The following PFKFB1 variants were observed in gnomAD, a reference collection of about 807,000 sequenced individuals.
PFKFB1 encodes the protein 6-phosphofructo-2-kinase/fructose-2,6-biphosphatase 1.
In PFKFB1, 34 loss-of-function variants were observed where a neutral mutation model predicts 46.4. That is an observed-to-expected ratio of 0.73 (90% confidence interval 0.56 to 0.98). The LOEUF is 0.98. PFKFB1 is among the 50% of genes least tolerant of loss of function. PFKFB1 has a pLI of 0.00. For synonymous variants in PFKFB1, 119 were observed against 133.8 expected (o/e 0.89, Z 0.76); for missense variants, 393 against 376.3 (o/e 1.04, Z -0.37).
chrX:54,960,902 TG>T lies in PFKFB1; in HGVS notation c.238del (p.Gln80SerfsTer7). The T allele has an allele frequency of 8.5e-7, 1 of 1,182,701 alleles. No homozygotes were observed. The highest frequency in any genetic ancestry group is 1.1e-6 in the Non-Finnish European group (1 of 872,697). Reference protein sequence around the residue: ...GTPTKVFNLGQYRREAVSYKN... With the variant: ...GTPTKVFNLGXYRREAVSYKN... ...GTAGCTCACTGCCTCTCGTCGATAC[TG>T]GCCTAAATTAAACACTGAAAGCAGG... On this transcript the variant is annotated frameshift_variant, in exon 3 of 14. Coordinates refer to ENST00000375006, the MANE Select transcript of PFKFB1 (RefSeq NM_002625.4). LOFTEE classifies it high-confidence loss of function.
intron 1 of PFKFB1, among the ~76,000 whole-genome samples, chrX:54,983,421 G>T (rs1270573286): frequency 9.0e-6 from 1 of 111,667 alleles, no homozygotes; most frequent in African/African-American, 3.3e-5. Flanking sequence ...AGAACATGCA[G>T]TATTTGGTTT....
rs1464658402 is a variant in PFKFB1 at position 54,935,154 on chromosome X, G to T, written c.1229-145C>A. The T allele has an allele frequency of 2.0e-5, 10 of 496,265 alleles. No homozygotes were observed. In the Admixed American group the frequency reaches 2.9e-4, roughly 14 times the overall value. 40.9% of individuals were successfully genotyped at this position (496,265 alleles called of 1,213,427 possible). A position where few individuals can be genotyped will look rare whatever the true frequency, so the allele number is the denominator to read the frequency against. ...ACCAGGGGCCCACTCCCCACACCCT[G>T]CAGGGGCAGCACTGAGAGCACCTGG... On this transcript the variant is annotated intron_variant, in intron 11 of 13. Transcript: ENST00000375006.
intron 1 of PFKFB1, among the ~76,000 whole-genome samples, chrX:54,981,242 AAAAC>A (rs776434812): frequency 1.8e-5 from 2 of 111,300 alleles, no homozygotes; most frequent in Non-Finnish European, 3.8e-5. Context: ...AACTTTAAAC[AAAAC>A]AAACAAACAA....
chrX:54,975,094 C>T (rs937978939), intron 1 of PFKFB1, among the ~76,000 whole-genome samples: 3 of 111,386 alleles, frequency 2.7e-5, no homozygotes, highest in Non-Finnish European at 5.7e-5. Flanking sequence ...CCAGCAATCC[C>T]ACTACTAGGT....
At chrX:54,965,013 A>G (rs1934436472) in intron 1 of PFKFB1, among the ~76,000 whole-genome samples, 1 of 111,827 alleles carries the variant, frequency 8.9e-6, no homozygotes, top group African/African-American at 3.2e-5. Context: ...AAAGAGCAAA[A>G]AAAGAAACCA....
In PFKFB1 at chrX:54,955,186, G is replaced by C. The variant is rs979054124; in HGVS notation, c.638+967C>G. Among the ~76,000 whole-genome samples, 3 of 111,606 alleles carry C rather than the reference G, an allele frequency of 2.7e-5. No individual in the cohort carries two copies. In the Admixed American group the frequency reaches 2.9e-4, roughly 11 times the overall value. ...GGGTTCGAGTATATATTGTGCTACT[G>C]ACTCATTCATTGTGTAGCCCAAGGT... is the stretch of plus-strand genomic sequence containing the variant. On this transcript the variant is annotated intron_variant, in intron 7 of 13. Coordinates refer to ENST00000375006, the MANE Select transcript of PFKFB1 (RefSeq NM_002625.4).
chrX:54,994,026 T>C lies in PFKFB1; in HGVS notation c.-19A>G, dbSNP rs369520364. 3 of 1,190,603 alleles carry C rather than the reference T, an allele frequency of 2.5e-6. No individual in the cohort carries two copies. The highest frequency in any genetic ancestry group is 2.3e-6 in the Non-Finnish European group (2 of 884,083). ...GAGACATCTTAGGAGTCGCACCGAA[T>C]GACATCACTGCCCACAAGGTACCTG... is the stretch of plus-strand genomic sequence containing the variant. On this transcript the variant is annotated 5_prime_UTR_variant, in exon 1 of 14. Transcript: ENST00000375006.
intron 9 of PFKFB1, among the ~76,000 whole-genome samples, chrX:54,948,554 G>A (rs1290519220): frequency 8.9e-6 from 1 of 112,124 alleles, no homozygotes; most frequent in Non-Finnish European, 1.9e-5. Context: ...CTTTTCTTCA[G>A]ATCTCACTAT....
chrX:54,937,205 G>A (rs191873087), intron 11 of PFKFB1, among the ~76,000 whole-genome samples: 131 of 111,883 alleles, frequency 1.2e-3, no homozygotes, highest in East Asian at 7.6e-3. Context: ...ATGGTAGCAT[G>A]CTTCACAGAA....
intron 10 of PFKFB1, among the ~76,000 whole-genome samples, chrX:54,939,798 G>A (rs926025043): frequency 4.5e-5 from 5 of 111,665 alleles, no homozygotes; most frequent in African/African-American, 9.8e-5. Flanking sequence ...ATTCACAGCC[G>A]AATTCTACCA....
intron 7 of PFKFB1, among the ~76,000 whole-genome samples, chrX:54,955,532 G>A (rs1160255804): frequency 5.4e-5 from 6 of 110,422 alleles, no homozygotes; most frequent in Non-Finnish European, 9.5e-5. Context: ...GAAGCTACCC[G>A]AGGATAGAAC....
At chrX:54,965,903 T>C (rs1934459071) in intron 1 of PFKFB1, among the ~76,000 whole-genome samples, 1 of 110,739 alleles carries the variant, frequency 9.0e-6, no homozygotes, top group African/African-American at 3.3e-5. Flanking sequence ...AAAAAGTTTC[T>C]TTATAAGATA....
chrX:54,933,581 C>T (rs1933290503), intron 13 of PFKFB1, 119 bp from the exon 14 acceptor site: 18 of 622,095 alleles, frequency 2.9e-5, no homozygotes, highest in Non-Finnish European at 4.6e-5. Context: ...GATCCTGACC[C>T]TCAGGTAGGC....
Position 54,956,218 on chromosome X carries a change from T to C in PFKFB1, c.573A>G (p.Glu191=). 8.3e-7 allele frequency: 1 copy of C among 1,211,596 alleles called. No homozygotes were observed. The highest frequency in any genetic ancestry group is 1.1e-6 in the Non-Finnish European group (1 of 895,302). Residue 191 remains glutamate, a synonymous_variant, in exon 7 of 14, where the codon GAA becomes GAG. Transcript: ENST00000375006. ...AGCACTCAATTCTCTTTAGAAAGTC[T>C]TCCAGAACCTTTTCCCGGTCACAGT... ...YIDCDREKVL[E]DFLKRIECYE... is the part of the protein sequence containing the mutation.
intron 1 of PFKFB1, among the ~76,000 whole-genome samples, chrX:54,977,933 T>C (rs546630875): frequency 3.1e-4 from 34 of 111,159 alleles, no homozygotes; most frequent in African/African-American, 1.0e-3. Context: ...TGCTCAAGCC[T>C]ATAGAATGTG....
intron 1 of PFKFB1, among the ~76,000 whole-genome samples, chrX:54,972,938 G>C (rs2146660083): frequency 9.0e-6 from 1 of 111,510 alleles, no homozygotes; most frequent in Non-Finnish European, 1.9e-5. Context: ...TGTACCTCTG[G>C]TAGAATTCGG....
chrX:54,994,408 C>T (rs1935325656), upstream of PFKFB1: 2 of 752,269 alleles, frequency 2.7e-6, no homozygotes, highest in Non-Finnish European at 1.6e-6. Flanking sequence ...AAATAAAAGA[C>T]CAAAGATCAT....
intron 1 of PFKFB1, among the ~76,000 whole-genome samples, chrX:54,988,989 A>T (rs1312075532): frequency 8.9e-6 from 1 of 112,199 alleles, no homozygotes; most frequent in Non-Finnish European, 1.9e-5. Flanking sequence ...AAAAGGCCAC[A>T]TATTGTATGA....
intron 7 of PFKFB1, among the ~76,000 whole-genome samples, chrX:54,954,339 C>A (rs897027038): frequency 9.1e-6 from 1 of 110,217 alleles, no homozygotes; most frequent in Non-Finnish European, 1.9e-5. Flanking sequence ...CATGGGAAAC[C>A]CTATCTCTAA....
Sources: allele counts gnomAD v4.1 joint callset (sites outside exome capture counted in the v4.1 genomes callset), GRCh38; gene constraint gnomAD v4.1.1; transcripts MANE v1.5; gene names NCBI Gene and HGNC (gene_info 2026-07-23, HGNC 2026-07-21).